EYS: variants seen among roughly 807,000 people sequenced by gnomAD.
The protein encoded by EYS is protein eyes shut homolog.
A neutral mutation model predicts 282.1 loss-of-function variants in EYS; 250 were observed. The ratio of observed to expected loss-of-function variants is 0.89; its 90% CI spans 0.80 to 0.98. The LOEUF (loss-of-function observed/expected upper bound fraction) is 0.98, where lower values mean the gene tolerates loss of function less well. Among genes scored for constraint, EYS ranks in the 50% least tolerant of loss-of-function variants. EYS has a pLI of 0.00. For synonymous variants in EYS, 1,355 were observed against 1,282.9 expected (o/e 1.06, Z -1.20); for missense variants, 4,016 against 3,709.0 (o/e 1.08, Z -2.15).
At chr6:64,401,185 A>C (rs2150436248) in intron 28 of EYS, among the ~76,000 whole-genome samples, 1 of 152,208 alleles carries the variant, frequency 6.6e-6, no homozygotes, top group South Asian at 2.1e-4. Flanking sequence ...AAATAGCAAA[A>C]TTCCATCGTG....
intron 30 of EYS, among the ~76,000 whole-genome samples, chr6:64,304,308 T>A: frequency 6.6e-6 from 1 of 152,134 alleles, no homozygotes; most frequent in East Asian, 1.9e-4. Flanking sequence ...AAAGACAGAA[T>A]TTAAGGGAGA....
chr6:65,278,293 TTATAGAAATTTATATATATTC>T (rs1354330586), intron 12 of EYS, among the ~76,000 whole-genome samples: 1 of 44,284 alleles, frequency 2.3e-5, no homozygotes, highest in African/African-American at 4.4e-5. Context: ...ATATATATAT[TTATAGAAATTTATATATATTC>T]TATAGAAATC....
chr6:65,446,568 A>G (rs1451758743), intron 5 of EYS, among the ~76,000 whole-genome samples: 1 of 151,882 alleles, frequency 6.6e-6, no homozygotes, highest in Non-Finnish European at 1.5e-5. Context: ...ATTAATGGCA[A>G]GACAAGATAT....
At chr6:65,512,471 C>A (rs533783334) in intron 2 of EYS, among the ~76,000 whole-genome samples, 8 of 129,982 alleles carry the variant, frequency 6.2e-5, no homozygotes, top group Non-Finnish European at 1.2e-4. Flanking sequence ...CCAGTCTGGG[C>A]GACAGAGCGA....
intron 26 of EYS, among the ~76,000 whole-genome samples, chr6:64,455,362 TC>T (rs1165113145): frequency 2.6e-5 from 4 of 152,174 alleles, no homozygotes; most frequent in Non-Finnish European, 5.9e-5. Context: ...AGATTTCTTT[TC>T]TTGTTTTGAT....
At chr6:64,279,698 T>C (rs1413770954) in intron 30 of EYS, among the ~76,000 whole-genome samples, 1 of 152,206 alleles carries the variant, frequency 6.6e-6, no homozygotes, top group African/African-American at 2.4e-5. Flanking sequence ...GAAGTATTTA[T>C]GTCCTGTAGT....
At chr6:63,771,244 C>T (rs563562462) in intron 40 of EYS, among the ~76,000 whole-genome samples, 3 of 152,124 alleles carry the variant, frequency 2.0e-5, no homozygotes, top group African/African-American at 7.2e-5. Flanking sequence ...CTGCCTGAGA[C>T]CAGGAGGGAC....
At chr6:65,587,692 A>G (rs1388204380) in intron 2 of EYS, among the ~76,000 whole-genome samples, 1 of 152,114 alleles carries the variant, frequency 6.6e-6, no homozygotes, top group African/African-American at 2.4e-5. Flanking sequence ...TATTGGGACA[A>G]CAGTATTTGG....
At chr6:64,195,548 C>T (rs1480200305) in intron 31 of EYS, among the ~76,000 whole-genome samples, 1 of 152,170 alleles carries the variant, frequency 6.6e-6, no homozygotes, top group Non-Finnish European at 1.5e-5. Flanking sequence ...TGATCCGCCC[C>T]TCGACCTCCC....
intron 26 of EYS, among the ~76,000 whole-genome samples, chr6:64,495,976 CTCT>C (rs770096235): frequency 5.3e-5 from 8 of 151,734 alleles, no homozygotes; most frequent in Non-Finnish European, 1.0e-4. Flanking sequence ...TAAAAATTTA[CTCT>C]TCTTAACATA....
chr6:64,700,265 A>G (rs1770733683), intron 22 of EYS, among the ~76,000 whole-genome samples: 1 of 152,052 alleles, frequency 6.6e-6, no homozygotes, highest in Admixed American at 6.6e-5. Context: ...AGGCAAACCC[A>G]CAACCCACAT....
chr6:64,544,263 A>G (rs1307535317), intron 26 of EYS, among the ~76,000 whole-genome samples: 6 of 152,198 alleles, frequency 3.9e-5, no homozygotes, highest in African/African-American at 1.2e-4. Flanking sequence ...AGAAATAGCT[A>G]TAATAGTATA....
chr6:64,580,437 C>T (rs1475099165), intron 26 of EYS, among the ~76,000 whole-genome samples: 1 of 152,010 alleles, frequency 6.6e-6, no homozygotes, highest in African/African-American at 2.4e-5. Context: ...GACAGGAATT[C>T]TGATAGACTG....
At chr6:65,033,716 C>G (rs1297278527) in intron 13 of EYS, among the ~76,000 whole-genome samples, 1 of 152,168 alleles carries the variant, frequency 6.6e-6, no homozygotes, top group Non-Finnish European at 1.5e-5. Flanking sequence ...AAGCCTGTTG[C>G]AGGGGCAGAA....
chr6:64,621,882 C>G (rs571219914), intron 23 of EYS, among the ~76,000 whole-genome samples: 1 of 152,302 alleles, frequency 6.6e-6, no homozygotes, highest in Non-Finnish European at 1.5e-5. Context: ...TTCCCTATCA[C>G]TTTCAATTTG....
intron 28 of EYS, among the ~76,000 whole-genome samples, chr6:64,393,581 AC>A (rs1471653461): frequency 4.6e-5 from 7 of 151,890 alleles, no homozygotes; most frequent in South Asian, 2.1e-4. Context: ...AAATTCAACA[AC>A]CCTTCATGCT....
chr6:64,811,421 T>TA (rs35955002), intron 22 of EYS, among the ~76,000 whole-genome samples: 66,313 of 146,258 alleles, frequency 0.45, 16,730 homozygotes, highest in Admixed American at 0.64. Context: ...CTTCATGCTG[T>TA]AAAAAAAAAA....
chr6:64,398,648 A>T (rs1218921130), intron 28 of EYS, among the ~76,000 whole-genome samples: 1 of 151,904 alleles, frequency 6.6e-6, no homozygotes, highest in African/African-American at 2.4e-5. Context: ...CAGTGAAATC[A>T]TGTCTATGAT....
At position 65,615,738 on chromosome 6, in the gene EYS, A is replaced by T. The variant is rs780638436; in HGVS notation, c.-333+24040T>A. Among the ~76,000 whole-genome samples the T allele has an allele frequency of 7.2e-5, 11 of 151,904 alleles. No homozygotes were observed. In the South Asian group the frequency reaches 1.0e-3, roughly 14 times the overall value. ...TCATGAGGTCAGGAGATCAAAGTCA[A>T]CCTGGCTAACACGGTGAAACCCTGT... On this transcript the variant is annotated intron_variant, in intron 2 of 42. Transcript: ENST00000503581.
Sources: allele counts gnomAD v4.1 joint callset (sites outside exome capture counted in the v4.1 genomes callset), GRCh38; gene constraint gnomAD v4.1.1; transcripts MANE v1.5; gene names NCBI Gene and HGNC (gene_info 2026-07-23, HGNC 2026-07-21).